The following MBIP variants were observed in gnomAD, a reference collection of about 807,000 sequenced individuals.
MBIP encodes the protein MAP3K12 binding inhibitory protein 1.
MBIP carries 32 observed loss-of-function variants against 45.7 expected under a neutral mutation model. That is an observed-to-expected ratio of 0.70 (90% CI 0.53 to 0.94). MBIP has a LOEUF of 0.94. Among genes scored for constraint, MBIP ranks in the 40% least tolerant of loss-of-function variants. MBIP has a pLI of 0.00. For synonymous variants in MBIP, 145 were observed against 141.0 expected (o/e 1.03, Z -0.20); for missense variants, 381 against 405.5 (o/e 0.94, Z 0.52).
chr14:36,314,757 T>C lies in MBIP; in HGVS notation c.408A>G (p.Arg136=). The C allele has an allele frequency of 1.2e-6, 2 of 1,613,710 alleles. No individual in the cohort carries two copies. The highest frequency in any genetic ancestry group is 1.3e-5 in the African/African-American group (1 of 75,012). Residue 136 remains arginine, a synonymous_variant, in exon 3 of 9, where the codon AGA becomes AGG. Transcript: ENST00000416007. ...AATGGATCTGTGTCTTTTTCACATCTCTTAAATCACTTTCTTTGTGCTTTT... is the reference window on the plus strand; with the variant it reads ...AATGGATCTGTGTCTTTTTCACATCCCTTAAATCACTTTCTTTGTGCTTTT... The part of the protein sequence containing the change: ...EEEKHKESDL[R]DVKKTQIHFD...
rs769509206 is a variant in MBIP at position 36,311,607 on chromosome 14, T to C, written c.756A>G (p.Leu252=). The C allele has an allele frequency of 6.2e-7, 1 of 1,613,052 alleles. No individual in the cohort carries two copies. Among genetic ancestry groups the C allele is most frequent in the Non-Finnish European group, 8.5e-7 (1 of 1,179,280 alleles). ...DCGNQAVEER[L]QNIEAHLRLQ... ...ACCGCAAGTGGGCCTCAATATTTTG[T>C]AGTCGTTCTTCTACAGCCTGATTAC... is the stretch of plus-strand genomic sequence containing the variant. The change falls in exon 6 of 9, where the codon CTA becomes CTG. Residue 252 remains leucine (L), a synonymous_variant. Transcript: ENST00000416007.
In MBIP at chr14:36,320,460, C is replaced by T. The variant is rs762987079; in HGVS notation, c.129G>A (p.Gln43=). Residue 43 remains glutamine, a splice_region_variant and synonymous_variant, in exon 1 of 9, where the codon CAG becomes CAA. Transcript: ENST00000416007. ...IFRSLHTLVG[Q]LDLRDDVVKI... ...CCCAGTCCCTCAGGCCACCTCTCAC[C>T]TGTCCAACCAGGGTGTGTAGGGAGC... 15 of 1,614,020 alleles carry T rather than the reference C, an allele frequency of 9.3e-6. No individual in the cohort carries two copies. The highest frequency in any genetic ancestry group is 1.3e-5 in the Non-Finnish European group (15 of 1,180,034).
At chr14:36,319,729 T>G (rs979609145) in intron 1 of MBIP, 2 of 190,270 alleles carry the variant, frequency 1.1e-5, no homozygotes, top group African/African-American at 4.8e-5. Flanking sequence ...TTTAAATTGT[T>G]TCTCATTTAA....
At chr14:36,305,880 T>G (rs1198566472) in intron 7 of MBIP, among the ~76,000 whole-genome samples, 1 of 152,054 alleles carries the variant, frequency 6.6e-6, no homozygotes, top group African/African-American at 2.4e-5. Context: ...TATTTGTCCA[T>G]TTTTTTTCCT....
At chr14:36,313,721 A>T (rs1272131161) in intron 4 of MBIP, 1 of 152,148 alleles carries the variant, frequency 6.6e-6, no homozygotes, top group Non-Finnish European at 1.5e-5. Context: ...GATATGAGTC[A>T]TTTCTAGGTT....
intron 7 of MBIP, among the ~76,000 whole-genome samples, chr14:36,306,012 T>A (rs564206003): frequency 6.6e-5 from 10 of 152,344 alleles, no homozygotes; most frequent in African/African-American, 2.4e-4. Flanking sequence ...CACAACTGTA[T>A]TAGATAAATC....
intron 6 of MBIP, 141 bp from the exon 7 acceptor site, chr14:36,308,330 A>G (rs1321371850): frequency 1.7e-6 from 1 of 573,884 alleles, no homozygotes; most frequent in Non-Finnish European, 3.1e-6. Flanking sequence ...AGTAAAACAG[A>G]ATGAAGTCCT....
In MBIP at chr14:36,316,788, TCAC is replaced by T. The variant is rs1191369597; in HGVS notation, c.151_153del (p.Val51del). 2.5e-6 allele frequency: 4 copies of T among 1,612,192 alleles called. No individual in the cohort carries two copies. The highest frequency in any genetic ancestry group is 1.3e-5 in the African/African-American group (1 of 74,836). ...AGCTTGTTCCAATCGATTGTAATTTTCACCACATCATCTCTGAGGTCAAGCTTC... is the reference window on the plus strand; with the variant it reads ...AGCTTGTTCCAATCGATTGTAATTTTCACATCATCTCTGAGGTCAAGCTTC... On this transcript the variant is annotated inframe_deletion, in exon 2 of 9. Transcript: ENST00000416007.
At position 36,308,195 on chromosome 14, in the gene MBIP, T is replaced by A; in HGVS notation, c.791-6A>T. 6.9e-7 allele frequency: 1 copy of A among 1,443,680 alleles called. No individual in the cohort carries two copies. Among genetic ancestry groups the A allele is most frequent in the African/African-American group, 1.4e-5 (1 of 70,022 alleles). The allele number at this position is 1,443,680 out of a possible 1,614,324, so 89.4% of individuals were successfully genotyped here. A position where few individuals can be genotyped will look rare whatever the true frequency, so the allele number is the denominator to read the frequency against. On this transcript the variant is annotated splice_polypyrimidine_tract_variant and splice_region_variant and intron_variant, in intron 6 of 8. Coordinates refer to ENST00000416007, the MANE Select transcript of MBIP (RefSeq NM_016586.3). ...GTCTCTTGGCACTGGACCACCTAAA[T>A]ACATTAAAAAAAAATCTGAGATACT...
rs971894605 is a variant in MBIP, at chr14:36,314,793, T to C, written c.372A>G (p.Leu124=). ...EVNDKFSIGD[L]QEEEKHKESD... is the part of the protein sequence containing the mutation. ...TTTCTTTGTGCTTTTCTTCCTCTTGTAGGTCGCCAATGGAAAATTTGTCAT... is the reference window on the plus strand; with the variant it reads ...TTTCTTTGTGCTTTTCTTCCTCTTGCAGGTCGCCAATGGAAAATTTGTCAT... The change falls in exon 3 of 9, where the codon CTA becomes CTG. Residue 124 remains leucine, a synonymous_variant. Transcript: ENST00000416007. 2 of 1,613,564 alleles carry C rather than the reference T, an allele frequency of 1.2e-6. No individual in the cohort carries two copies. Among genetic ancestry groups the C allele is most frequent in the African/African-American group, 1.3e-5 (1 of 74,886 alleles).
At chr14:36,301,266 G>A (rs1317422559) in intron 7 of MBIP, among the ~76,000 whole-genome samples, 1 of 152,132 alleles carries the variant, frequency 6.6e-6, no homozygotes, top group African/African-American at 2.4e-5. Flanking sequence ...CACACACCCT[G>A]GACTGACTAT....
Position 36,311,509 on chromosome 14 carries a change from G to T in MBIP, c.790+64C>A. ...CTAAATGAAAATTTGGTGACTAAATGAACTGCAATTTTTTAACCATTTGCA... is the reference window on the plus strand; with the variant it reads ...CTAAATGAAAATTTGGTGACTAAATTAACTGCAATTTTTTAACCATTTGCA... On this transcript the variant is annotated intron_variant, in intron 6 of 8. Coordinates refer to ENST00000416007, the MANE Select transcript of MBIP (RefSeq NM_016586.3). 2.0e-6 allele frequency: 3 copies of T among 1,493,034 alleles called. No individual in the cohort carries two copies. The South Asian group carries it at 3.9e-5, about 19-fold the overall frequency. 92.5% of individuals were successfully genotyped at this position (1,493,034 alleles called of 1,614,324 possible). A position where few individuals can be genotyped will look rare whatever the true frequency, so the allele number is the denominator to read the frequency against.
In MBIP at chr14:36,314,880, C is replaced by T; in HGVS notation, c.285G>A (p.Glu95=). The T allele has an allele frequency of 1.2e-6, 2 of 1,613,244 alleles. No homozygotes were observed. The highest frequency in any genetic ancestry group is 8.5e-7 in the Non-Finnish European group (1 of 1,179,512). Residue 95 remains glutamate, a synonymous_variant, in exon 3 of 9, where the codon GAG becomes GAA. Coordinates refer to ENST00000416007, the MANE Select transcript of MBIP (RefSeq NM_016586.3). ...FLAKLQSPIK[E]ENTTAVEEIG... Reference sequence around the variant, plus strand: ...TCTCTTCAACAGCAGTTGTATTCTCCTCTTTAATCGGAGACTGAAGTTTTG... The same window carrying T: ...TCTCTTCAACAGCAGTTGTATTCTCTTCTTTAATCGGAGACTGAAGTTTTG...
Position 36,309,029 on chromosome 14 carries a change from C to T in MBIP, c.791-840G>A, listed in dbSNP as rs138709623. 3.5e-3 allele frequency among the ~76,000 whole-genome samples: 538 copies of T among 152,324 alleles called. 2 individuals carry two copies. Among genetic ancestry groups the T allele is most frequent in the African/African-American group, 0.012 (502 of 41,562 alleles). Reference sequence around the variant, plus strand: ...CCTCACAATGGCCTACAAGGCCATACACAATGTGGATATTCTCCCTATGCC... The same window carrying T: ...CCTCACAATGGCCTACAAGGCCATATACAATGTGGATATTCTCCCTATGCC... On this transcript the variant is annotated intron_variant, in intron 6 of 8. Coordinates refer to ENST00000416007, the MANE Select transcript of MBIP (RefSeq NM_016586.3).
chr14:36,312,089 A>G, intron 4 of MBIP, 65 bp from the exon 5 acceptor site: 1 of 857,856 alleles, frequency 1.2e-6, no homozygotes, highest in Non-Finnish European at 1.8e-6. Context: ...TGAGATTTTA[A>G]TAAACTTTCA....
Position 36,316,737 on chromosome 14 carries a change from C to G in MBIP, c.205G>C (p.Ala69Pro). 1 of 1,612,838 alleles carries G rather than the reference C, an allele frequency of 6.2e-7. No individual in the cohort carries two copies. The highest frequency in any genetic ancestry group is 1.7e-5 in the Admixed American group (1 of 59,886). Residue 69 changes from alanine to proline, a missense_variant, in exon 2 of 9, where the codon GCA becomes CCA. By Grantham distance (27) the Ala-to-Pro change is conservative. Transcript: ENST00000416007. ...TGTTCAAGTGCACTAAAGAGCAATG[C>G]AGGCTGGAATGCCGAGAGGCTCTGG... ...KLQSLSAFQP[A>P]LLFSALEQHI...
Position 36,311,924 on chromosome 14 carries a change from G to T in MBIP, c.637+35C>A, listed in dbSNP as rs181111689. 2.3e-3 allele frequency: 3,371 copies of T among 1,474,144 alleles called. 12 individuals are homozygous for T. Among genetic ancestry groups the T allele is most frequent in the South Asian group, 4.3e-3 (339 of 79,576 alleles). 91.3% of individuals were successfully genotyped at this position (1,474,144 alleles called of 1,614,324 possible). On this transcript the variant is annotated intron_variant, in intron 5 of 8. Coordinates refer to ENST00000416007, the MANE Select transcript of MBIP (RefSeq NM_016586.3). ...CATTTTGCTAATAATCTAGACTTCTGTCAGTGACTCAGATGTCATGTGGTG... is the reference window on the plus strand; with the variant it reads ...CATTTTGCTAATAATCTAGACTTCTTTCAGTGACTCAGATGTCATGTGGTG...
chr14:36,319,679 GA>G, intron 1 of MBIP: 1 of 262,124 alleles, frequency 3.8e-6, no homozygotes, highest in Non-Finnish European at 7.9e-6. Context: ...ATGTAAGATA[GA>G]AAATATTTCC....
chr14:36,300,904 G>C, intron 7 of MBIP, 81 bp from the exon 8 acceptor site: 1 of 834,482 alleles, frequency 1.2e-6, no homozygotes. Flanking sequence ...TACAAATTAT[G>C]TACAGCCTTG....
Sources: gnomAD v4.1 joint callset for allele counts (sites outside exome capture counted in the v4.1 genomes callset) on GRCh38, gnomAD v4.1.1 for gene constraint, MANE v1.5 for transcripts, NCBI Gene and HGNC (gene_info 2026-07-23, HGNC 2026-07-21) for gene names.